The following ABCA13 variants were observed in gnomAD, a reference collection of about 807,000 sequenced individuals.
ABCA13 encodes ATP binding cassette subfamily A member 13.
ABCA13 carries 476 observed loss-of-function variants against 478.7 expected under a neutral mutation model. The observed-to-expected ratio is 0.99, with a 90% CI of 0.92 to 1.07. The LOEUF is 1.07. ABCA13 is among the 50% of genes least tolerant of loss of function. ABCA13 has a pLI of 0.00. For synonymous variants in ABCA13, 2,252 were observed against 2,158.9 expected, an observed-to-expected ratio of 1.04 and a Z score of -1.20; for missense variants, 6,060 against 5,910.6, an observed-to-expected ratio of 1.03 and a Z score of -0.83.
chr7:48,564,981 T>A (rs1238213530), intron 55 of ABCA13, among the ~76,000 whole-genome samples: 2 of 152,118 alleles, frequency 1.3e-5, no homozygotes, highest in Non-Finnish European at 2.9e-5. Context: ...ACTGGAACTG[T>A]ATTGTTTTCT....
chr7:48,387,884 G>C lies in ABCA13; in HGVS notation c.11398G>C (p.Gly3800Arg), dbSNP rs759095793. Reference sequence around the variant, plus strand: ...TACTGCCTCATATTGGAAGAGTGTGGGTTTCTTGGTGGAGAAAAGGCAATA... The same window carrying C: ...TACTGCCTCATATTGGAAGAGTGTGCGTTTCTTGGTGGAGAAAAGGCAATA... ...PFTASYWKSV[G>R]FLVEKRQYFL... is the part of the protein sequence containing the mutation. The change falls in exon 36 of 62, where the codon GGT becomes CGT. Residue 3800 changes from glycine (G) to arginine (R), a missense_variant. Transcript: ENST00000435803. The C allele has an allele frequency of 5.0e-6, 8 of 1,612,478 alleles. No homozygotes were observed. The highest frequency in any genetic ancestry group is 6.8e-6 in the Non-Finnish European group (8 of 1,179,310).
intron 6 of ABCA13, among the ~76,000 whole-genome samples, chr7:48,229,376 G>C (rs984459553): frequency 1.3e-5 from 2 of 152,306 alleles, no homozygotes; most frequent in South Asian, 4.2e-4. Flanking sequence ...GGAGGATTGA[G>C]GTACATGGTA....
At chr7:48,266,782 A>G (rs985605901) in intron 15 of ABCA13, among the ~76,000 whole-genome samples, 4 of 151,792 alleles carry the variant, frequency 2.6e-5, no homozygotes, top group Admixed American at 2.6e-4. Context: ...GAGGTCATCA[A>G]TTTGATACCA....
intron 59 of ABCA13, among the ~76,000 whole-genome samples, chr7:48,618,099 A>G (rs1586001076): frequency 6.6e-6 from 1 of 152,214 alleles, no homozygotes; most frequent in East Asian, 1.9e-4. Flanking sequence ...CCCTGAGTTC[A>G]TCCCACCTTC....
At chr7:48,456,793 A>G (rs1215827676) in intron 43 of ABCA13, among the ~76,000 whole-genome samples, 1 of 148,914 alleles carries the variant, frequency 6.7e-6, no homozygotes, top group African/African-American at 2.5e-5. Flanking sequence ...GGGGCATATA[A>G]AGGTTTATTT....
Position 48,274,769 on chromosome 7 carries a change from T to A in ABCA13, c.5103T>A (p.Thr1701=). ...DFFKNISSVG[T]GNLVVNLLVG... is the part of the protein sequence containing the mutation. Reference sequence around the variant, plus strand: ...TTAAGAATATCAGTAGTGTGGGAACTGGCAATTTAGTGGTCAATTTGCTTG... The same window carrying A: ...TTAAGAATATCAGTAGTGTGGGAACAGGCAATTTAGTGGTCAATTTGCTTG... The change falls in exon 17 of 62, where the codon ACT becomes ACA. Residue 1701 remains threonine (T), a synonymous_variant. Coordinates refer to ENST00000435803, the MANE Select transcript of ABCA13 (RefSeq NM_152701.5). 2 of 1,613,996 alleles carry A rather than the reference T, an allele frequency of 1.2e-6. No individual in the cohort carries two copies. Among genetic ancestry groups the A allele is most frequent in the Non-Finnish European group, 1.7e-6 (2 of 1,179,850 alleles).
chr7:48,493,041 G>A (rs1013530726), intron 48 of ABCA13, among the ~76,000 whole-genome samples: 3 of 151,998 alleles, frequency 2.0e-5, no homozygotes, highest in African/African-American at 7.3e-5. Context: ...CCAGTCTCAG[G>A]TATTCTATTA....
chr7:48,524,922 AGAAC>A (rs1451363457), intron 54 of ABCA13, among the ~76,000 whole-genome samples: 3 of 152,240 alleles, frequency 2.0e-5, no homozygotes, highest in African/African-American at 7.2e-5. Context: ...ATGTTTAATC[AGAAC>A]TGACAGAAGC....
chr7:48,245,640 A>C, intron 12 of ABCA13, 28 bp downstream of exon 12: 23 of 1,579,132 alleles, frequency 1.5e-5, no homozygotes, highest in Non-Finnish European at 2.0e-5. Flanking sequence ...ATTATAAATA[A>C]GCATTTTTAA....
chr7:48,286,250 C>A (rs1333826713), intron 19 of ABCA13, among the ~76,000 whole-genome samples: 1 of 152,134 alleles, frequency 6.6e-6, no homozygotes, highest in Non-Finnish European at 1.5e-5. Context: ...TTAGGACAAG[C>A]ATATAATGAC....
chr7:48,268,041 T>G lies in ABCA13; in HGVS notation c.2006-939T>G, dbSNP rs902283065. Among the ~76,000 whole-genome samples, 7 of 152,178 alleles carry G rather than the reference T, an allele frequency of 4.6e-5. No individual in the cohort carries two copies. The East Asian group carries it at 1.3e-3, about 29-fold the overall frequency. On this transcript the variant is annotated intron_variant, in intron 15 of 61. Coordinates refer to ENST00000435803, the MANE Select transcript of ABCA13 (RefSeq NM_152701.5). Reference sequence around the variant, plus strand: ...CACTCCTGAAGCAAGACCCCTTTTTTGTACTTTACTCAATGACTAATGAAT... The same window carrying G: ...CACTCCTGAAGCAAGACCCCTTTTTGGTACTTTACTCAATGACTAATGAAT...
intron 42 of ABCA13, among the ~76,000 whole-genome samples, chr7:48,447,960 T>G (rs1824506089): frequency 6.6e-6 from 1 of 152,164 alleles, no homozygotes; most frequent in Non-Finnish European, 1.5e-5. Flanking sequence ...AGGGAAATTT[T>G]TCTTCTTTTT....
At chr7:48,260,849 C>T (rs1410375388) in intron 15 of ABCA13, among the ~76,000 whole-genome samples, 1 of 151,902 alleles carries the variant, frequency 6.6e-6, no homozygotes, top group Non-Finnish European at 1.5e-5. Flanking sequence ...CCCTACTCTG[C>T]TTTTCTGTGT....
At chr7:48,382,319 GA>G (rs918220454) in intron 35 of ABCA13, among the ~76,000 whole-genome samples, 2 of 152,162 alleles carry the variant, frequency 1.3e-5, no homozygotes, top group Non-Finnish European at 2.9e-5. Context: ...TCCCCTGCAT[GA>G]CAGTCTTCCC....
intron 51 of ABCA13, among the ~76,000 whole-genome samples, chr7:48,513,850 T>TA (rs1366822758): frequency 2.0e-5 from 3 of 152,138 alleles, no homozygotes; most frequent in Admixed American, 6.5e-5. Flanking sequence ...GAAAATGTAG[T>TA]AAAAAAAGTG....
intron 2 of ABCA13, among the ~76,000 whole-genome samples, chr7:48,193,970 G>A (rs368820543): frequency 1.0e-5 from 1 of 97,570 alleles, no homozygotes; most frequent in African/African-American, 3.8e-5. Flanking sequence ...TGATTGAGAT[G>A]ATGGTGATGA....
chr7:48,554,212 G>A (rs1431377225), intron 55 of ABCA13, among the ~76,000 whole-genome samples: 2 of 152,028 alleles, frequency 1.3e-5, no homozygotes, highest in African/African-American at 2.4e-5. Flanking sequence ...GTACCATGCT[G>A]TTTTGGTTAC....
intron 26 of ABCA13, 104 bp downstream of exon 26, chr7:48,314,513 T>C (rs1177068432): frequency 2.2e-5 from 24 of 1,081,050 alleles, no homozygotes; most frequent in Non-Finnish European, 3.1e-5. Flanking sequence ...GGTTGCTATA[T>C]ACTGGCATAG....
At chr7:48,515,386 A>G (rs983783987) in intron 51 of ABCA13, among the ~76,000 whole-genome samples, 3 of 152,178 alleles carry the variant, frequency 2.0e-5, no homozygotes, top group Non-Finnish European at 1.5e-5. Flanking sequence ...AGATGAGGGA[A>G]GTTGCCATGA....
Sources: allele counts gnomAD v4.1 joint callset (sites outside exome capture counted in the v4.1 genomes callset), GRCh38; gene constraint gnomAD v4.1.1; transcripts MANE v1.5; gene names NCBI Gene and HGNC (gene_info 2026-07-23, HGNC 2026-07-21).